Variants in CDH12 observed in about 807,000 individuals in gnomAD.
CDH12 encodes cadherin 12.
CDH12 carries 41 observed loss-of-function variants against 74.1 expected under a neutral mutation model. That is an observed-to-expected ratio of 0.55 (90% CI 0.43 to 0.72). The LOEUF is 0.72. Among genes scored for constraint, CDH12 ranks in the 30% least tolerant of loss-of-function variants. CDH12 has a pLI of 0.00. For missense variants in CDH12, 945 were observed against 977.2 expected, an observed-to-expected ratio of 0.97 and a Z score of 0.44; for synonymous variants, 399 against 355.0, an observed-to-expected ratio of 1.12 and a Z score of -1.39.
At chr5:22,505,668 T>C (rs975982564) in intron 1 of CDH12, among the ~76,000 whole-genome samples, 5 of 152,234 alleles carry the variant, frequency 3.3e-5, no homozygotes, top group Middle Eastern at 3.4e-3. Context: ...CTAGTTTTTC[T>C]CCTAATGTCA....
Position 22,009,346 on chromosome 5 carries a change from T to C in CDH12, c.232-33961A>G, listed in dbSNP as rs563382629. Among the ~76,000 whole-genome samples the C allele has an allele frequency of 4.6e-5, 7 of 152,280 alleles. No individual in the cohort carries two copies. In the East Asian group the frequency reaches 1.4e-3, roughly 29 times the overall value. ...TAATGTTTTCAGAGCTGCCCTATTA[T>C]ATGAGGGCCTTCCTGCACGTCCTAC... is the stretch of plus-strand genomic sequence containing the variant. On this transcript the variant is annotated intron_variant, in intron 5 of 14. Coordinates refer to ENST00000382254, the MANE Select transcript of CDH12 (RefSeq NM_004061.5).
intron 3 of CDH12, among the ~76,000 whole-genome samples, chr5:22,229,454 A>G (rs1752312404): frequency 6.6e-6 from 1 of 151,846 alleles, no homozygotes; most frequent in Non-Finnish European, 1.5e-5. Context: ...CTCAAAAAAA[A>G]AAAAAAAAAG....
chr5:22,751,529 A>G lies in CDH12; in HGVS notation c.-523+101529T>C, dbSNP rs142230755. Among the ~76,000 whole-genome samples the G allele has an allele frequency of 1.4e-4, 22 of 152,068 alleles. No homozygotes were observed. The East Asian group carries it at 4.3e-3, about 29-fold the overall frequency. ...TCACATAAAATTGTTGTGATATTAT[A>G]TAAAGTTAGCTGTTAGCGTCTGGAG... On this transcript the variant is annotated intron_variant, in intron 1 of 14. Coordinates refer to ENST00000382254, the MANE Select transcript of CDH12 (RefSeq NM_004061.5).
chr5:22,832,444 T>C lies in CDH12; in HGVS notation c.-523+20614A>G, dbSNP rs376397471. ...ACGGCTTTAGGTGCCCATTCAGGAA[T>C]ACTTTGAATATAAGCGCTTGTTAAA... is the stretch of plus-strand genomic sequence containing the variant. On this transcript the variant is annotated intron_variant, in intron 1 of 14. Coordinates refer to ENST00000382254, the MANE Select transcript of CDH12 (RefSeq NM_004061.5). Among the ~76,000 whole-genome samples, 94 of 152,262 alleles carry C rather than the reference T, an allele frequency of 6.2e-4. 1 individual carries two copies. The South Asian group carries it at 0.019, about 31-fold the overall frequency.
intron 1 of CDH12, among the ~76,000 whole-genome samples, chr5:22,830,224 T>C (rs1401785316): frequency 6.6e-6 from 1 of 152,106 alleles, no homozygotes; most frequent in Non-Finnish European, 1.5e-5. Flanking sequence ...ATTCTAAAGA[T>C]GGGATTAGAC....
chr5:22,784,429 T>C (rs1392430741), intron 1 of CDH12, among the ~76,000 whole-genome samples: 2 of 152,292 alleles, frequency 1.3e-5, no homozygotes, highest in East Asian at 1.9e-4. Flanking sequence ...TTCTCTACTT[T>C]ATATATTTCC....
At chr5:22,102,690 A>G (rs1467610898) in intron 4 of CDH12, among the ~76,000 whole-genome samples, 1 of 151,846 alleles carries the variant, frequency 6.6e-6, no homozygotes, top group Non-Finnish European at 1.5e-5. Flanking sequence ...ATAAATAAAT[A>G]AATACATAAA....
At chr5:21,909,218 TC>T (rs1753763539) in intron 6 of CDH12, among the ~76,000 whole-genome samples, 1 of 152,116 alleles carries the variant, frequency 6.6e-6, no homozygotes, top group Non-Finnish European at 1.5e-5. Context: ...TTGTGGCACC[TC>T]CAGTAATGAT....
intron 1 of CDH12, among the ~76,000 whole-genome samples, chr5:22,546,518 C>T (rs545844590): frequency 1.1e-4 from 17 of 152,248 alleles, no homozygotes; most frequent in African/African-American, 3.4e-4. Context: ...AGGCAATCCC[C>T]TCTCTGTAAA....
At chr5:21,929,419 A>G (rs1754736334) in intron 6 of CDH12, among the ~76,000 whole-genome samples, 1 of 151,614 alleles carries the variant, frequency 6.6e-6, no homozygotes, top group Non-Finnish European at 1.5e-5. Context: ...AGATTTTCAT[A>G]AGGAGTGTAC....
At chr5:22,477,152 G>A (rs1746201712) in intron 2 of CDH12, among the ~76,000 whole-genome samples, 1 of 152,150 alleles carries the variant, frequency 6.6e-6, no homozygotes, top group Non-Finnish European at 1.5e-5. Flanking sequence ...CTTGTGTCAT[G>A]GGGTTTTGTT....
chr5:22,698,157 C>G (rs1481366892), intron 1 of CDH12, among the ~76,000 whole-genome samples: 1 of 106,578 alleles, frequency 9.4e-6, no homozygotes, highest in Non-Finnish European at 1.8e-5. Flanking sequence ...GTTTCTATCT[C>G]GTTGCCCAGG....
intron 1 of CDH12, among the ~76,000 whole-genome samples, chr5:22,615,824 T>C (rs1272891947): frequency 6.6e-6 from 1 of 152,130 alleles, no homozygotes; most frequent in Non-Finnish European, 1.5e-5. Flanking sequence ...AATGAATGTA[T>C]GGTGAATGGC....
intron 14 of CDH12, among the ~76,000 whole-genome samples, chr5:21,753,505 G>C (rs1007635288): frequency 5.9e-5 from 9 of 152,254 alleles, no homozygotes; most frequent in African/African-American, 2.2e-4. Context: ...AAACTAGCTG[G>C]ATGTGCCTGA....
At chr5:22,668,916 T>TTCTC (rs780189558) in intron 1 of CDH12, among the ~76,000 whole-genome samples, 1 of 150,450 alleles carries the variant, frequency 6.6e-6, no homozygotes, top group Non-Finnish European at 1.5e-5. Context: ...GGTCTCTCTC[T>TTCTC]TCTCTCTCTC....
intron 1 of CDH12, among the ~76,000 whole-genome samples, chr5:22,618,824 G>A (rs917106650): frequency 2.0e-5 from 3 of 151,934 alleles, no homozygotes; most frequent in African/African-American, 7.2e-5. Context: ...TCATGGGGGT[G>A]GGTATTTCCA....
At chr5:22,275,314 G>A (rs1736585810) in intron 3 of CDH12, among the ~76,000 whole-genome samples, 1 of 151,558 alleles carries the variant, frequency 6.6e-6, no homozygotes, top group Non-Finnish European at 1.5e-5. Context: ...AGGAAGAAAG[G>A]ATGATCTGGG....
chr5:22,194,390 G>A (rs1186350133), intron 4 of CDH12, among the ~76,000 whole-genome samples: 1 of 148,460 alleles, frequency 6.7e-6, no homozygotes, highest in African/African-American at 2.5e-5. Flanking sequence ...AGAGTTCAGT[G>A]GCACAATTTC....
chr5:21,940,709 T>C (rs1755290042), intron 6 of CDH12, among the ~76,000 whole-genome samples: 2 of 152,214 alleles, frequency 1.3e-5, no homozygotes, highest in Non-Finnish European at 2.9e-5. Flanking sequence ...TTGTTTCATA[T>C]AGTATATATC....
Sources: allele counts gnomAD v4.1 joint callset (sites outside exome capture counted in the v4.1 genomes callset), GRCh38; gene constraint gnomAD v4.1.1; transcripts MANE v1.5; gene names NCBI Gene and HGNC (gene_info 2026-07-23, HGNC 2026-07-21).